ABCB4: variants seen among roughly 807,000 people sequenced by gnomAD.
ABCB4 encodes the protein ATP binding cassette subfamily B member 4, also known as phosphatidylcholine translocator ABCB4.
A neutral mutation model predicts 145.7 loss-of-function variants in ABCB4; 76 were observed. The observed-to-expected ratio is 0.52, with a 90% confidence interval of 0.43 to 0.63. The LOEUF (loss-of-function observed/expected upper bound fraction) is 0.63. Ranked by LOEUF, ABCB4 falls within the 30% of genes least tolerant of loss-of-function variation. ABCB4 has a pLI of 0.00. For missense variants in ABCB4, 1,234 were observed against 1,553.1 expected, an observed-to-expected ratio of 0.79 and a Z score of 3.45; for synonymous variants, 517 against 566.8, an observed-to-expected ratio of 0.91 and a Z score of 1.25.
downstream of ABCB4, chr7:87,398,940 G>A: frequency 3.5e-6 from 1 of 282,628 alleles, no homozygotes; most frequent in Non-Finnish European, 6.6e-6. Context: ...CTTTAACAAT[G>A]CAAGTCTTAC....
chr7:87,468,529 T>C (rs1813095337), intron 3 of ABCB4, among the ~76,000 whole-genome samples: 1 of 152,216 alleles, frequency 6.6e-6, no homozygotes, highest in Admixed American at 6.5e-5. Context: ...CCCTAACTCA[T>C]TTTATGAGGC....
At chr7:87,471,932 C>T (rs1813440152) in intron 3 of ABCB4, among the ~76,000 whole-genome samples, 1 of 152,152 alleles carries the variant, frequency 6.6e-6, no homozygotes, top group Non-Finnish European at 1.5e-5. Flanking sequence ...TTAACAATTA[C>T]TTTCTTGAAA....
intron 14 of ABCB4, among the ~76,000 whole-genome samples, chr7:87,434,332 G>A (rs1041772932): frequency 6.6e-6 from 1 of 151,940 alleles, no homozygotes; most frequent in Admixed American, 6.6e-5. Context: ...TTCTTTAAAA[G>A]AGTCAAAATA....
At chr7:87,428,810 G>T (rs931428701) in intron 15 of ABCB4, among the ~76,000 whole-genome samples, 16 of 152,128 alleles carry the variant, frequency 1.1e-4, no homozygotes, top group African/African-American at 3.9e-4. Flanking sequence ...TAACTCTTTA[G>T]GCTGGCAAAG....
At chr7:87,366,927 A>C in the ABCB4 span, among the ~76,000 whole-genome samples, 3 of 152,174 alleles carry the variant, frequency 2.0e-5, no homozygotes, top group African/African-American at 7.2e-5. Flanking sequence ...TTATTCTTTC[A>C]CTTCCAGAGA....
At chr7:87,397,099 A>G (rs1314165142), downstream of ABCB4, among the ~76,000 whole-genome samples, 2 of 152,166 alleles carry the variant, frequency 1.3e-5, no homozygotes, top group East Asian at 3.8e-4. Flanking sequence ...CACGCCTGTA[A>G]TCCCAGCACT....
intron 4 of ABCB4, among the ~76,000 whole-genome samples, chr7:87,460,136 G>T (rs1812354250): frequency 6.6e-6 from 1 of 152,162 alleles, no homozygotes. Flanking sequence ...TGGAAGGTCA[G>T]ACCATTTAAT....
At chr7:87,400,337 T>C (rs1807727665), downstream of ABCB4, among the ~76,000 whole-genome samples, 1 of 152,238 alleles carries the variant, frequency 6.6e-6, no homozygotes, top group Non-Finnish European at 1.5e-5. Flanking sequence ...GATTACATCA[T>C]ACTCAGGGTA....
Position 87,457,388 on chromosome 7 carries a change from CA to C in ABCB4, c.287-2797del, listed in dbSNP as rs1172291441. 2.0e-5 allele frequency among the ~76,000 whole-genome samples: 3 copies of C among 152,086 alleles called. No homozygotes were observed. In the East Asian group the frequency reaches 5.8e-4, roughly 29 times the overall value. The stretch of plus-strand genomic sequence containing the variant: ...TCACTTCACTGCACTCTAGCCTGGG[CA>C]ACAGAGCAAGACCCTGTCTCAAAAA... On this transcript the variant is annotated intron_variant, in intron 4 of 27. Coordinates refer to ENST00000649586, the MANE Select transcript of ABCB4 (RefSeq NM_000443.4).
chr7:87,436,124 A>G (rs1232756813), intron 14 of ABCB4, among the ~76,000 whole-genome samples: 1 of 152,240 alleles, frequency 6.6e-6, no homozygotes. Context: ...GTTTGGGAAG[A>G]GAATGATCAG....
At position 87,472,639 on chromosome 7, in the gene ABCB4, C is replaced by G; in HGVS notation, c.117G>C (p.Met39Ile). 6.2e-7 allele frequency: 1 copy of G among 1,609,328 alleles called. No individual in the cohort carries two copies. The highest frequency in any genetic ancestry group is 8.5e-7 in the Non-Finnish European group (1 of 1,175,814). The change falls in exon 3 of 28, where the codon ATG (methionine) becomes ATC (isoleucine). Residue 39 changes from methionine (M) to isoleucine (I), a missense_variant. Coordinates refer to ENST00000649586, the MANE Select transcript of ABCB4 (RefSeq NM_000443.4). The stretch of plus-strand genomic sequence containing the variant: ...AGCTTACCAATGTTAATACTCCAAT[C>G]ATTTTCACTGTCTTCGTTTTTTTCC... Reference protein sequence around the residue: ...QKRKKTKTVKMIGVLTLFRYS... With the variant: ...QKRKKTKTVKIIGVLTLFRYS...
intron 17 of ABCB4, 80 bp from the exon 18 acceptor site, chr7:87,422,305 T>G: frequency 9.1e-7 from 1 of 1,095,498 alleles, no homozygotes; most frequent in Non-Finnish European, 1.4e-6. Context: ...GTGGCTTGAG[T>G]GTCACATGTT....
rs371227397 is a variant in ABCB4, at chr7:87,402,257, T to C, written c.3679A>G (p.Ile1227Val). Residue 1227 changes from isoleucine to valine, a missense_variant, in exon 28 of 28, where the codon ATT becomes GTT. Coordinates refer to ENST00000649586, the MANE Select transcript of ABCB4 (RefSeq NM_000443.4). ...LDKAREGRTC[I>V]VIAHRLSTIQ... Reference sequence around the variant, plus strand: ...GTGGACAGGCGGTGAGCAATCACAATGCAGGTGCGGCCTTCTCTGGCTTTG... The same window carrying C: ...GTGGACAGGCGGTGAGCAATCACAACGCAGGTGCGGCCTTCTCTGGCTTTG... The C allele has an allele frequency of 6.2e-7, 1 of 1,614,110 alleles. No individual in the cohort carries two copies. The highest frequency in any genetic ancestry group is 8.5e-7 in the Non-Finnish European group (1 of 1,179,966).
intron 14 of ABCB4, among the ~76,000 whole-genome samples, chr7:87,436,622 C>T (rs1810625622): frequency 6.6e-6 from 1 of 152,106 alleles, no homozygotes; most frequent in African/African-American, 2.4e-5. Flanking sequence ...AAAAGGAAAG[C>T]CCTCTTAGAG....
chr7:87,388,819 T>G, the ABCB4 span, among the ~76,000 whole-genome samples: 1 of 152,080 alleles, frequency 6.6e-6, no homozygotes, highest in African/African-American at 2.4e-5. Flanking sequence ...CAAATGAAAC[T>G]ATCATCAGAG....
In ABCB4 at chr7:87,470,224, T is replaced by C. The variant is rs561485700; in HGVS notation, c.135+2397A>G. Among the ~76,000 whole-genome samples the C allele has an allele frequency of 2.0e-3, 310 of 152,308 alleles. 1 individual carries two copies. The highest frequency in any genetic ancestry group is 4.8e-3 in the Admixed American group (74 of 15,296). ...ACCTTATACAAACATTAATTCAAGA[T>C]GGATTAAAGACTTACATGTTAGACC... On this transcript the variant is annotated intron_variant, in intron 3 of 27. Coordinates refer to ENST00000649586, the MANE Select transcript of ABCB4 (RefSeq NM_000443.4).
At chr7:87,385,886 A>G in the ABCB4 span, among the ~76,000 whole-genome samples, 1 of 152,130 alleles carries the variant, frequency 6.6e-6, no homozygotes, top group Non-Finnish European at 1.5e-5. Flanking sequence ...TTTTTTTATC[A>G]TGAAGGTATG....
intron 24 of ABCB4, among the ~76,000 whole-genome samples, chr7:87,408,802 G>A (rs1476303847): frequency 6.6e-6 from 1 of 152,206 alleles, no homozygotes; most frequent in African/African-American, 2.4e-5. Context: ...ACACTCAGAT[G>A]TGAGTTTAAG....
rs1584808337 is a variant in ABCB4 at position 87,475,617 on chromosome 7, G to T, written c.-7+17C>A. ...CGGGTCTCCCTTCGAGGCCAGACGCGCCCGGACCTCTCTCACCTCGAACCT... is the reference window on the plus strand; with the variant it reads ...CGGGTCTCCCTTCGAGGCCAGACGCTCCCGGACCTCTCTCACCTCGAACCT... On this transcript the variant is annotated intron_variant, in intron 1 of 27. Coordinates refer to ENST00000649586, the MANE Select transcript of ABCB4 (RefSeq NM_000443.4). 2 of 763,466 alleles carry T rather than the reference G, an allele frequency of 2.6e-6. No individual in the cohort carries two copies. The highest frequency in any genetic ancestry group is 2.2e-6 in the Non-Finnish European group (1 of 448,998). 47.3% of individuals were successfully genotyped at this position (763,466 alleles called of 1,614,324 possible). A position where few individuals can be genotyped will look rare whatever the true frequency, so the allele number is the denominator to read the frequency against.
Sources: allele counts gnomAD v4.1 joint callset (sites outside exome capture counted in the v4.1 genomes callset), GRCh38; gene constraint gnomAD v4.1.1; transcripts MANE v1.5; gene names NCBI Gene and HGNC (gene_info 2026-07-23, HGNC 2026-07-21).